The following AGBL4 variants were observed in gnomAD, a reference collection of about 807,000 sequenced individuals.
AGBL4 encodes AGBL carboxypeptidase 4.
AGBL4 carries 58 observed loss-of-function variants against 66.4 expected under a neutral mutation model. That is an observed-to-expected ratio of 0.87 (90% CI 0.71 to 1.09). AGBL4 has a LOEUF of 1.09. AGBL4 is among the 50% of genes least tolerant of loss of function. AGBL4 has a pLI of 0.00. For missense variants in AGBL4, 579 were observed against 631.0 expected, an observed-to-expected ratio of 0.92 and a Z score of 0.88; for synonymous variants, 234 against 222.9, an observed-to-expected ratio of 1.05 and a Z score of -0.44.
At chr1:49,721,736 G>T (rs144390714) in intron 2 of AGBL4, among the ~76,000 whole-genome samples, 1 of 152,250 alleles carries the variant, frequency 6.6e-6, no homozygotes, top group East Asian at 1.9e-4. Context: ...AGACTCACAT[G>T]AAGCAATGAA....
At chr1:49,728,991 C>T (rs1162545357) in intron 2 of AGBL4, among the ~76,000 whole-genome samples, 1 of 152,160 alleles carries the variant, frequency 6.6e-6, no homozygotes, top group Non-Finnish European at 1.5e-5. Flanking sequence ...TGTATGTTCA[C>T]TTATGTTTTC....
chr1:49,703,839 T>C (rs1460034404), intron 2 of AGBL4, among the ~76,000 whole-genome samples: 1 of 151,898 alleles, frequency 6.6e-6, no homozygotes, highest in South Asian at 2.1e-4. Context: ...GAATAGAAAA[T>C]TGACAACATA....
At chr1:49,086,139 G>T (rs1308172624) in intron 4 of AGBL4, among the ~76,000 whole-genome samples, 3 of 152,300 alleles carry the variant, frequency 2.0e-5, no homozygotes, top group African/African-American at 7.2e-5. Flanking sequence ...CTGGTAGCCA[G>T]GTGGCGATAG....
intron 1 of AGBL4, among the ~76,000 whole-genome samples, chr1:49,955,180 T>C (rs1656491997): frequency 6.6e-6 from 1 of 151,964 alleles, no homozygotes; most frequent in African/African-American, 2.4e-5. Context: ...TATTCACACA[T>C]TGAGGCCAAT....
At chr1:49,262,459 GA>G (rs886395478) in intron 3 of AGBL4, among the ~76,000 whole-genome samples, 285 of 151,986 alleles carry the variant, frequency 1.9e-3, no homozygotes, top group African/African-American at 6.6e-3. Context: ...AAATTTACAA[GA>G]AAAAAACAAA....
rs568822692 is a variant in AGBL4, at chr1:49,271,469, T to C, written c.283-25605A>G. Among the ~76,000 whole-genome samples, 10 of 151,882 alleles carry C rather than the reference T, an allele frequency of 6.6e-5. No homozygotes were observed. In the East Asian group the frequency reaches 1.9e-3, roughly 29 times the overall value. ...TAATAAGAGATTTCAAAGCGTTGTG[T>C]TTTCTCTAAGAGCTCCATAGTTCAA... On this transcript the variant is annotated intron_variant, in intron 3 of 13. Coordinates refer to ENST00000371839, the MANE Select transcript of AGBL4 (RefSeq NM_032785.4).
intron 5 of AGBL4, among the ~76,000 whole-genome samples, chr1:48,932,791 A>G (rs1173573207): frequency 6.6e-6 from 1 of 150,744 alleles, no homozygotes; most frequent in Non-Finnish European, 1.5e-5. Flanking sequence ...CTAGGAGTGA[A>G]AGTCTTCAGG....
intron 3 of AGBL4, among the ~76,000 whole-genome samples, chr1:49,323,508 G>T (rs1230872941): frequency 6.8e-6 from 1 of 148,020 alleles, no homozygotes; most frequent in Non-Finnish European, 1.5e-5. Flanking sequence ...TGTTGCCCAG[G>T]CTGGTCTCAA....
chr1:49,755,797 T>C (rs1651842074), intron 2 of AGBL4, among the ~76,000 whole-genome samples: 1 of 152,230 alleles, frequency 6.6e-6, no homozygotes, highest in African/African-American at 2.4e-5. Flanking sequence ...ACTTCATCAC[T>C]TATCACCTAA....
intron 4 of AGBL4, among the ~76,000 whole-genome samples, chr1:49,207,980 C>T (rs1000029688): frequency 2.0e-5 from 3 of 152,018 alleles, no homozygotes; most frequent in Non-Finnish European, 4.4e-5. Flanking sequence ...TCTCATTTTA[C>T]ATTTGTATAA....
At chr1:48,877,324 T>C (rs1202177248) in intron 5 of AGBL4, among the ~76,000 whole-genome samples, 1 of 152,058 alleles carries the variant, frequency 6.6e-6, no homozygotes, top group Admixed American at 6.6e-5. Flanking sequence ...TAACTGAAGA[T>C]TTACCAAGAG....
In AGBL4 at chr1:49,948,085, AATAT is replaced by A. The variant is rs1557608276; in HGVS notation, c.34+75674_34+75677del. Among the ~76,000 whole-genome samples the A allele has an allele frequency of 9.4e-5, 8 of 85,110 alleles. No homozygotes were observed. The South Asian group carries it at 3.3e-3, about 35-fold the overall frequency. The allele number at this position is 85,110 out of a possible 152,430, so 55.8% of individuals were successfully genotyped here. A position where few individuals can be genotyped will look rare whatever the true frequency, so the allele number is the denominator to read the frequency against. The stretch of plus-strand genomic sequence containing the variant: ...ATGTAAATATATGTAAATATATGTA[AATAT>A]ATGTATATGTATATATATGTAAATG... On this transcript the variant is annotated intron_variant, in intron 1 of 13. Transcript: ENST00000371839.
At chr1:48,896,241 A>G (rs1320914652) in intron 5 of AGBL4, among the ~76,000 whole-genome samples, 1 of 152,116 alleles carries the variant, frequency 6.6e-6, no homozygotes, top group Non-Finnish European at 1.5e-5. Flanking sequence ...TCACCTTGCC[A>G]TTTCCCTGTT....
At chr1:49,208,851 TAC>T (rs2148250168) in intron 4 of AGBL4, among the ~76,000 whole-genome samples, 1 of 152,194 alleles carries the variant, frequency 6.6e-6, no homozygotes, top group South Asian at 2.1e-4. Context: ...ATCCAGCTCT[TAC>T]CGGAACCACA....
chr1:48,959,087 T>C (rs1657738966), intron 5 of AGBL4, among the ~76,000 whole-genome samples: 3 of 152,172 alleles, frequency 2.0e-5, no homozygotes, highest in South Asian at 4.2e-4. Flanking sequence ...AATACCATTT[T>C]GTGAGGGAGG....
intron 3 of AGBL4, among the ~76,000 whole-genome samples, chr1:49,431,475 G>A (rs899951556): frequency 6.6e-6 from 1 of 152,124 alleles, no homozygotes; most frequent in East Asian, 1.9e-4. Flanking sequence ...AAATGTGTCA[G>A]TGGAAAGACA....
intron 2 of AGBL4, among the ~76,000 whole-genome samples, chr1:49,840,681 A>G (rs953566147): frequency 5.9e-5 from 9 of 152,216 alleles, no homozygotes; most frequent in Non-Finnish European, 1.0e-4. Flanking sequence ...ACAATCAAGC[A>G]GGCTTTATTC....
chr1:49,748,426 T>G (rs1271223274), intron 2 of AGBL4, among the ~76,000 whole-genome samples: 3 of 152,220 alleles, frequency 2.0e-5, no homozygotes, highest in African/African-American at 7.2e-5. Context: ...GGCATTTTGG[T>G]TGGTTCCAAA....
At chr1:49,129,628 A>G (rs1457990008) in intron 4 of AGBL4, among the ~76,000 whole-genome samples, 1 of 151,886 alleles carries the variant, frequency 6.6e-6, no homozygotes, top group African/African-American at 2.4e-5. Context: ...CCATGTCCCT[A>G]CAAAGGACAT....
Sources: gnomAD v4.1 joint callset for allele counts (sites outside exome capture counted in the v4.1 genomes callset) on GRCh38, gnomAD v4.1.1 for gene constraint, MANE v1.5 for transcripts, NCBI Gene and HGNC (gene_info 2026-07-23, HGNC 2026-07-21) for gene names.